Variants in ECM1 observed in about 807,000 individuals in gnomAD.
ECM1 encodes the protein secretory component p85.
ECM1 carries 54 observed loss-of-function variants against 57.9 expected under a neutral mutation model. That is an observed-to-expected ratio of 0.93 (90% CI 0.75 to 1.17). The LOEUF is 1.17. Among genes scored for constraint, ECM1 ranks in the 50% most tolerant of loss-of-function variants. The pLI is 0.00. For missense variants in ECM1, 649 were observed against 688.1 expected, an observed-to-expected ratio of 0.94 and a Z score of 0.64; for synonymous variants, 237 against 259.1, an observed-to-expected ratio of 0.91 and a Z score of 0.82.
At chr1:150,510,332 C>A in intron 5 of ECM1, 150 bp downstream of exon 5, 1 of 751,578 alleles carries the variant, frequency 1.3e-6, no homozygotes, top group Non-Finnish European at 2.3e-6. Context: ...TTTGTTTCTT[C>A]ATCTGTAAAA....
At chr1:150,511,866 T>A in intron 7 of ECM1, 35 bp downstream of exon 7, 1 of 1,574,090 alleles carries the variant, frequency 6.4e-7, no homozygotes, top group Non-Finnish European at 8.6e-7. Context: ...GAGAGCCTGT[T>A]TGCCTGCCTG....
chr1:150,511,695 G>A lies in ECM1; in HGVS notation c.947G>A (p.Arg316Lys), dbSNP rs754982050. 4 of 1,614,026 alleles carry A rather than the reference G, an allele frequency of 2.5e-6. No homozygotes were observed. The highest frequency in any genetic ancestry group is 3.4e-6 in the Non-Finnish European group (4 of 1,180,030). ...LDNIKNICHL[R>K]RFRSVPRNLP... ...AATATCAAGAACATCTGCCACCTGA[G>A]GCGCTTCCGCTCTGTGCCACGCAAC... Residue 316 changes from arginine to lysine, a missense_variant, in exon 7 of 10, where the codon AGG becomes AAG. By Grantham distance (26) the Arg-to-Lys change is conservative. Coordinates refer to ENST00000369047, the MANE Select transcript of ECM1 (RefSeq NM_004425.4).
In ECM1 at chr1:150,509,436, G is replaced by A. The variant is rs191917056; in HGVS notation, c.71-95G>A. On this transcript the variant is annotated intron_variant, in intron 1 of 9. Coordinates refer to ENST00000369047, the MANE Select transcript of ECM1 (RefSeq NM_004425.4). ...GGGGCATCTCGTGTCTTGCTTGTCT[G>A]TCCTACACTCTTGATCTCCACAGCC... 2.8e-3 allele frequency: 3,867 copies of A among 1,387,968 alleles called. 110 individuals carry two copies. In the Admixed American group the frequency reaches 0.055, roughly 20 times the overall value. 86.0% of individuals were successfully genotyped at this position (1,387,968 alleles called of 1,614,324 possible).
chr1:150,508,113 G>GT lies in ECM1; in HGVS notation c.-96dup, dbSNP rs1188490301. 4 of 1,161,216 alleles carry GT rather than the reference G, an allele frequency of 3.4e-6. No homozygotes were observed. The highest frequency in any genetic ancestry group is 5.2e-6 in the Non-Finnish European group (4 of 771,806). The allele number at this position is 1,161,216 out of a possible 1,614,324, so 71.9% of individuals were successfully genotyped here. On this transcript the variant is annotated 5_prime_UTR_variant, in exon 1 of 10. Coordinates refer to ENST00000369047, the MANE Select transcript of ECM1 (RefSeq NM_004425.4). Reference sequence around the variant, plus strand: ...AGAGCTGGTCCTGAAGCTCACAACCGTAACAGCCACCAGACAAGCTTCAGT... The same window carrying GT: ...AGAGCTGGTCCTGAAGCTCACAACCGTTAACAGCCACCAGACAAGCTTCAGT...
At chr1:150,511,432 G>C (rs1670437066) in intron 6 of ECM1, 25 bp from the exon 7 acceptor site, 3 of 1,613,868 alleles carry the variant, frequency 1.9e-6, no homozygotes, top group Admixed American at 1.7e-5. Context: ...GTGGAAAGTG[G>C]GCTGATCCTC....
chr1:150,513,202 A>G (rs1406691778), intron 9 of ECM1, 35 bp from the exon 10 acceptor site: 1 of 1,606,580 alleles, frequency 6.2e-7, no homozygotes, highest in Non-Finnish European at 8.5e-7. Context: ...CCACCTCCCC[A>G]CCCCATCATC....
Position 150,510,888 on chromosome 1 carries a change from C to A in ECM1, c.398C>A (p.Pro133Gln). The change falls in exon 6 of 10, where the codon CCA becomes CAA. Residue 133 changes from proline to glutamine, a missense_variant. By Grantham distance (76) the Pro-to-Gln change is moderately conservative. Coordinates refer to ENST00000369047, the MANE Select transcript of ECM1 (RefSeq NM_004425.4). Reference protein sequence around the residue: ...PNEQKEGTPAPFGDQSHPEPE... With the variant: ...PNEQKEGTPAQFGDQSHPEPE... ...TTCCCCATTCCAGGAACGCCAGCTCCATTTGGGGACCAGAGCCATCCAGAA... is the reference window on the plus strand; with the variant it reads ...TTCCCCATTCCAGGAACGCCAGCTCAATTTGGGGACCAGAGCCATCCAGAA... The A allele has an allele frequency of 6.2e-7, 1 of 1,614,120 alleles. No homozygotes were observed.
chr1:150,511,476 G>T lies in ECM1; in HGVS notation c.728G>T (p.Arg243Leu). ...AKLVWEEAMSRFCEAEFSVKT... is the reference protein window; with the variant it reads ...AKLVWEEAMSLFCEAEFSVKT... ...CTCTAGTGGGAGGAAGCAATGAGCCGATTCTGTGAGGCCGAGTTCTCGGTC... is the reference window on the plus strand; with the variant it reads ...CTCTAGTGGGAGGAAGCAATGAGCCTATTCTGTGAGGCCGAGTTCTCGGTC... The change falls in exon 7 of 10, where the codon CGA becomes CTA. Residue 243 changes from arginine to leucine, a missense_variant. Physicochemically the swap from Arg to Leu is moderately radical, Grantham distance 102. Transcript: ENST00000369047. The T allele has an allele frequency of 6.2e-7, 1 of 1,614,134 alleles. No homozygotes were observed. Among genetic ancestry groups the T allele is most frequent in the South Asian group, 1.1e-5 (1 of 91,072 alleles).
rs374399587 is a variant in ECM1, at chr1:150,511,002, G to T, written c.512G>T (p.Arg171Leu). 98 of 1,614,040 alleles carry T rather than the reference G, an allele frequency of 6.1e-5. No individual in the cohort carries two copies. The highest frequency in any genetic ancestry group is 8.1e-5 in the Non-Finnish European group (96 of 1,180,030). Residue 171 changes from arginine to leucine, a missense_variant, in exon 6 of 10, where the codon CGG (arginine) becomes CTG (leucine). Coordinates refer to ENST00000369047, the MANE Select transcript of ECM1 (RefSeq NM_004425.4). ...CGGCTGGATGGCTTCCCCCCTGGGC[G>T]GCCTTCTCCAGACAATCTGAACCAA... is the stretch of plus-strand genomic sequence containing the variant. ...GHRLDGFPPG[R>L]PSPDNLNQIC...
At chr1:150,510,770 C>G in intron 5 of ECM1, 106 bp from the exon 6 acceptor site, 1 of 1,169,290 alleles carries the variant, frequency 8.6e-7, no homozygotes, top group Non-Finnish European at 1.3e-6. Flanking sequence ...ACTATATCCT[C>G]CCAACCCTTT....
At chr1:150,512,698 A>G (rs767922576) in intron 8 of ECM1, 27 bp from the exon 9 acceptor site, 53 of 1,612,894 alleles carry the variant, frequency 3.3e-5, no homozygotes, top group Admixed American at 5.0e-5. Flanking sequence ...AAAGACCCTA[A>G]CCCCTGCCCC....
Position 150,509,916 on chromosome 1 carries a change from C to A in ECM1, c.224-6C>A, listed in dbSNP as rs1005828399. The A allele has an allele frequency of 2.5e-6, 4 of 1,614,026 alleles. No homozygotes were observed. The African/African-American group carries it at 5.3e-5, about 22-fold the overall frequency. ...GTGGGCTGCTCACACATTCCCCCTT[C>A]TATAGTGCAGCCCCCTCCCTCTCAG... is the stretch of plus-strand genomic sequence containing the variant. On this transcript the variant is annotated splice_polypyrimidine_tract_variant and splice_region_variant and intron_variant, in intron 3 of 9. Transcript: ENST00000369047.
At position 150,511,651 on chromosome 1, in the gene ECM1, T is replaced by G. The variant is rs753152087; in HGVS notation, c.903T>G (p.Pro301=). ...CGGGTCTTGAGCTGCCTTTCCCTCCTGGGGTGCCCACATTGGACAATATCA... is the reference window on the plus strand; with the variant it reads ...CGGGTCTTGAGCTGCCTTTCCCTCCGGGGGTGCCCACATTGGACAATATCA... ...ISSGLELPFP[P]GVPTLDNIKN... The change falls in exon 7 of 10, where the codon CCT becomes CCG. Residue 301 remains proline (P), a synonymous_variant. Transcript: ENST00000369047. 7.4e-5 allele frequency: 119 copies of G among 1,614,012 alleles called. No individual in the cohort carries two copies. The highest frequency in any genetic ancestry group is 1.0e-4 in the Admixed American group (6 of 60,004).
chr1:150,509,383 T>G, intron 1 of ECM1, 148 bp from the exon 2 acceptor site: 1 of 822,220 alleles, frequency 1.2e-6, no homozygotes, highest in Non-Finnish European at 2.0e-6. Context: ...GGGAGAGGAT[T>G]AGGGGACACG....
intron 5 of ECM1, chr1:150,510,623 G>A: frequency 1.7e-6 from 1 of 596,730 alleles, no homozygotes; most frequent in African/African-American, 1.9e-5. Context: ...ACCCTGGGGA[G>A]AGGAGCAGGA....
rs371698490 is a variant in ECM1, at chr1:150,512,443, G to A, written c.1175G>A (p.Arg392Gln). 1.2e-5 allele frequency: 19 copies of A among 1,613,326 alleles called. No individual in the cohort carries two copies. The highest frequency in any genetic ancestry group is 5.5e-5 in the South Asian group (5 of 91,040). ...LCCRHPPSPT[R>Q]DECFARRAPY... is the part of the protein sequence containing the mutation. ...TGCCGCCACCCTCCCAGCCCTACTC[G>A]GGATGAGTGCTTTGCCCGTCGGGCT... Residue 392 changes from arginine to glutamine, a missense_variant, in exon 8 of 10, where the codon CGG (arginine) becomes CAG (glutamine). Transcript: ENST00000369047.
rs774428372 is a variant in ECM1, at chr1:150,512,780, T to C, written c.1360T>C (p.Phe454Leu). The C allele has an allele frequency of 6.2e-7, 1 of 1,614,144 alleles. No homozygotes were observed. Among genetic ancestry groups the C allele is most frequent in the East Asian group, 2.2e-5 (1 of 44,876 alleles). Residue 454 changes from phenylalanine to leucine, a missense_variant, in exon 9 of 10, where the codon TTT becomes CTT. Coordinates refer to ENST00000369047, the MANE Select transcript of ECM1 (RefSeq NM_004425.4). ...GACTGCCCGCTGCTGTGACCTGCCA[T>C]TTCCAGAACAGGCCTGCTGTGCAGA... The part of the protein sequence containing the change: ...NMTARCCDLP[F>L]PEQACCAEEE...
chr1:150,509,468 T>A, intron 1 of ECM1, 63 bp from the exon 2 acceptor site: 1 of 1,573,556 alleles, frequency 6.4e-7, no homozygotes, highest in Non-Finnish European at 8.7e-7. Flanking sequence ...AGCCTCCCCA[T>A]CCCTTGCTGA....
Position 150,510,954 on chromosome 1 carries a change from G to T in ECM1, c.464G>T (p.Arg155Leu). ...GCAGCCCAGCACTGCCAACAGGACC[G>T]GTCCCAAGGGGGCTGGGGCCACCGG... ...WNAAQHCQQD[R>L]SQGGWGHRLD... The change falls in exon 6 of 10, where the codon CGG becomes CTG. Residue 155 changes from arginine (R) to leucine (L), a missense_variant. Physicochemically the swap from Arg to Leu is moderately radical, Grantham distance 102. Coordinates refer to ENST00000369047, the MANE Select transcript of ECM1 (RefSeq NM_004425.4). 2 of 1,614,182 alleles carry T rather than the reference G, an allele frequency of 1.2e-6. No homozygotes were observed. Among genetic ancestry groups the T allele is most frequent in the Non-Finnish European group, 1.7e-6 (2 of 1,180,036 alleles).
Sources: gnomAD v4.1 joint callset for allele counts on GRCh38, gnomAD v4.1.1 for gene constraint, MANE v1.5 for transcripts, NCBI Gene and HGNC (gene_info 2026-07-23, HGNC 2026-07-21) for gene names.